The following UBR3 variants were observed in gnomAD, a reference collection of about 807,000 sequenced individuals.
UBR3 encodes the protein E3 ubiquitin-protein ligase UBR3.
A neutral mutation model predicts 243.2 loss-of-function variants in UBR3; 85 were observed. The observed-to-expected ratio is 0.35, with a 90% CI of 0.29 to 0.42. The LOEUF (loss-of-function observed/expected upper bound fraction) is 0.42. UBR3 is among the 10% of genes least tolerant of loss of function. The pLI is 1.00. For missense variants in UBR3, 1,686 were observed against 2,300.8 expected, an observed-to-expected ratio of 0.73 and a Z score of 5.47; for synonymous variants, 748 against 799.8, an observed-to-expected ratio of 0.94 and a Z score of 1.09.
At chr2:170,055,006 A>T (rs1389190801) in intron 32 of UBR3, among the ~76,000 whole-genome samples, 1 of 152,194 alleles carries the variant, frequency 6.6e-6, no homozygotes, top group East Asian at 1.9e-4. Context: ...CAGCAAATAT[A>T]ATAGTACATT....
chr2:169,927,256 T>G (rs1038805597), intron 16 of UBR3, 64 bp from the exon 17 acceptor site: 3 of 1,396,536 alleles, frequency 2.1e-6, no homozygotes, highest in East Asian at 2.5e-5. Flanking sequence ...AAAAGTGTGG[T>G]AAGTTTTTTT....
At chr2:169,896,847 T>G in intron 8 of UBR3, 112 bp downstream of exon 8, 1 of 727,048 alleles carries the variant, frequency 1.4e-6, no homozygotes, top group Non-Finnish European at 2.0e-6. Flanking sequence ...TTAGTATTAT[T>G]AATCATATTC....
chr2:170,050,070 C>A (rs1443093133), intron 32 of UBR3, among the ~76,000 whole-genome samples: 2 of 152,124 alleles, frequency 1.3e-5, no homozygotes, highest in African/African-American at 2.4e-5. Context: ...ACCCAAAGGA[C>A]CAGCATTTAC....
intron 6 of UBR3, among the ~76,000 whole-genome samples, chr2:169,891,964 C>A (rs1033451038): frequency 6.6e-6 from 1 of 152,070 alleles, no homozygotes; most frequent in Non-Finnish European, 1.5e-5. Flanking sequence ...CATATCTTAA[C>A]GTGTGGTTGG....
chr2:169,882,308 T>C (rs1216693919), intron 5 of UBR3, among the ~76,000 whole-genome samples: 3 of 140,686 alleles, frequency 2.1e-5, no homozygotes, highest in Non-Finnish European at 3.0e-5. Context: ...TTATGTATAT[T>C]ATATATTTAT....
intron 6 of UBR3, among the ~76,000 whole-genome samples, chr2:169,893,051 T>C (rs1159256825): frequency 1.3e-5 from 2 of 152,242 alleles, no homozygotes; most frequent in Admixed American, 1.3e-4. Flanking sequence ...GATTTAAAGA[T>C]AGTCAAACAT....
At chr2:169,852,858 A>AC (rs2082704978) in intron 1 of UBR3, among the ~76,000 whole-genome samples, 1 of 140,966 alleles carries the variant, frequency 7.1e-6, no homozygotes, top group African/African-American at 2.6e-5. Flanking sequence ...CTCAAAAAAA[A>AC]AAAAAAAAAA....
intron 25 of UBR3, among the ~76,000 whole-genome samples, chr2:169,992,485 C>T (rs1207413445): frequency 6.6e-6 from 1 of 152,182 alleles, no homozygotes; most frequent in Non-Finnish European, 1.5e-5. Flanking sequence ...TATGAGTATA[C>T]ATGCAAAAAT....
At position 169,970,613 on chromosome 2, in the gene UBR3, T is replaced by C. The variant is rs991960101; in HGVS notation, c.3634+12087T>C. On this transcript the variant is annotated intron_variant, in intron 24 of 38. Transcript: ENST00000272793. ...TCTTGCAATAGTTTGCTGAGAATGA[T>C]GATTTCCAATTTCATCCATGTCCCT... Among the ~76,000 whole-genome samples, 244 of 116,076 alleles carry C rather than the reference T, an allele frequency of 2.1e-3. 5 individuals carry two copies. Among genetic ancestry groups the C allele is most frequent in the African/African-American group, 7.0e-3 (235 of 33,690 alleles). The allele number at this position is 116,076 out of a possible 152,430, so 76.2% of individuals were successfully genotyped here.
At chr2:169,945,776 G>A (rs1014193551) in intron 20 of UBR3, among the ~76,000 whole-genome samples, 13 of 152,154 alleles carry the variant, frequency 8.5e-5, no homozygotes, top group Non-Finnish European at 1.6e-4. Flanking sequence ...TAGGTCAGAT[G>A]TATCAAATTT....
At position 169,947,671 on chromosome 2, in the gene UBR3, G is replaced by A. The variant is rs760500225; in HGVS notation, c.3040G>A (p.Asp1014Asn). The change falls in exon 22 of 39, where the codon GAC becomes AAC. Residue 1014 changes from aspartate to asparagine, a missense_variant. This residue lies in a region of UBR3 where 300 missense variants were observed against 314.4 expected (regional missense o/e 0.95). Transcript: ENST00000272793. ...VPETAPEVKRDSPASTSSDNL... is the reference protein window; with the variant it reads ...VPETAPEVKRNSPASTSSDNL... Reference sequence around the variant, plus strand: ...AGAGACTGCTCCTGAAGTAAAGAGAGACTCACCTGCAAGTACTAGCTCTGA... The same window carrying A: ...AGAGACTGCTCCTGAAGTAAAGAGAAACTCACCTGCAAGTACTAGCTCTGA... 3.3e-6 allele frequency: 5 copies of A among 1,535,924 alleles called. No individual in the cohort carries two copies. Among genetic ancestry groups the A allele is most frequent in the Non-Finnish European group, 2.6e-6 (3 of 1,139,932 alleles).
chr2:170,004,695 G>A (rs2089843189), intron 27 of UBR3, among the ~76,000 whole-genome samples: 1 of 150,258 alleles, frequency 6.7e-6, no homozygotes, highest in African/African-American at 2.5e-5. Context: ...TGGATCACCT[G>A]AGGTCAGGAG....
In UBR3 at chr2:169,857,782, C is replaced by G. The variant is rs574940774; in HGVS notation, c.546-14454C>G. Reference sequence around the variant, plus strand: ...GTTTGAGGCAAGATTTCACTGTTTCCCAGGCTGGAGTGCAGTGGCACTATC... The same window carrying G: ...GTTTGAGGCAAGATTTCACTGTTTCGCAGGCTGGAGTGCAGTGGCACTATC... On this transcript the variant is annotated intron_variant, in intron 1 of 38. Coordinates refer to ENST00000272793, the MANE Select transcript of UBR3 (RefSeq NM_172070.4). 3.3e-5 allele frequency among the ~76,000 whole-genome samples: 5 copies of G among 151,882 alleles called. No homozygotes were observed. The East Asian group carries it at 9.7e-4, about 29-fold the overall frequency.
chr2:169,905,652 G>A (rs560779426), intron 9 of UBR3, among the ~76,000 whole-genome samples: 1 of 152,300 alleles, frequency 6.6e-6, no homozygotes, highest in East Asian at 1.9e-4. Flanking sequence ...TGGGATTACA[G>A]GGATTAGCCA....
chr2:169,926,788 T>A, intron 15 of UBR3, 44 bp downstream of exon 15: 2 of 1,544,224 alleles, frequency 1.3e-6, no homozygotes, highest in Non-Finnish European at 8.7e-7. Flanking sequence ...AGTGTCCAGT[T>A]AATTTTGTTT....
intron 8 of UBR3, among the ~76,000 whole-genome samples, chr2:169,903,742 C>T (rs528847557): frequency 1.2e-4 from 19 of 152,066 alleles, no homozygotes; most frequent in Non-Finnish European, 2.1e-4. Flanking sequence ...AAATATGAGC[C>T]GGGTGTGGTG....
intron 11 of UBR3, among the ~76,000 whole-genome samples, chr2:169,916,684 GC>G (rs2085476372): frequency 6.6e-6 from 1 of 151,920 alleles, no homozygotes; most frequent in South Asian, 2.1e-4. Flanking sequence ...TTCCAGGCTG[GC>G]CCCCTGTATT....
chr2:169,898,826 C>T (rs1313630571), intron 8 of UBR3, among the ~76,000 whole-genome samples: 32 of 151,670 alleles, frequency 2.1e-4, no homozygotes, highest in Admixed American at 7.2e-4. Flanking sequence ...CTCAGCCTCC[C>T]GAGTAGCTGG....
chr2:170,039,822 C>CT (rs2105430859), intron 31 of UBR3, among the ~76,000 whole-genome samples: 1 of 152,186 alleles, frequency 6.6e-6, no homozygotes, highest in Admixed American at 6.5e-5. Flanking sequence ...ATAAGCTCTG[C>CT]TTTATAATAT....
Sources: allele counts gnomAD v4.1 joint callset (sites outside exome capture counted in the v4.1 genomes callset), GRCh38; gene constraint gnomAD v4.1.1; regional missense constraint gnomAD v4.1.1; transcripts MANE v1.5; gene names NCBI Gene and HGNC (gene_info 2026-07-23, HGNC 2026-07-21).